AHI1: variants seen among roughly 807,000 people sequenced by gnomAD.
The protein encoded by AHI1 is Abelson helper integration site 1.
AHI1 carries 123 observed loss-of-function variants against 149.3 expected under a neutral mutation model. The ratio of observed to expected loss-of-function variants is 0.82; its 90% CI spans 0.71 to 0.96. The LOEUF (loss-of-function observed/expected upper bound fraction) is 0.96. Among genes scored for constraint, AHI1 ranks in the 40% least tolerant of loss-of-function variants. AHI1 has a pLI of 0.00. For synonymous variants in AHI1, 475 were observed against 459.8 expected (o/e 1.03, Z -0.42); for missense variants, 1,439 against 1,422.7 (o/e 1.01, Z -0.18).
In AHI1 at chr6:135,440,308, G is replaced by A. The variant is rs371151773; in HGVS notation, c.1913-1810C>T. ...CCTAAGGTGCATGTCAAAACAACCC[G>A]TGGCATCATTTAATATCACAGCTGC... is the stretch of plus-strand genomic sequence containing the variant. On this transcript the variant is annotated intron_variant, in intron 14 of 28. Transcript: ENST00000265602. 1.1e-3 allele frequency among the ~76,000 whole-genome samples: 163 copies of A among 152,174 alleles called. 2 individuals are homozygous for A. The highest frequency in any genetic ancestry group is 3.5e-3 in the African/African-American group (144 of 41,494).
intron 26 of AHI1, among the ~76,000 whole-genome samples, chr6:135,311,301 C>CAA (rs35950731): frequency 5.3e-4 from 42 of 79,826 alleles, no homozygotes; most frequent in East Asian, 1.4e-3. Context: ...GACCCCGCCT[C>CAA]AAAAAAAAAA....
chr6:135,415,263 G>A (rs955100423), intron 20 of AHI1, among the ~76,000 whole-genome samples: 9 of 151,956 alleles, frequency 5.9e-5, no homozygotes, highest in Middle Eastern at 3.4e-3. Flanking sequence ...GAATAGTGCC[G>A]CAATAAACAT....
In AHI1 at chr6:135,340,056, C is replaced by T. The variant is rs1203156720; in HGVS notation, c.3166-16732G>A. On this transcript the variant is annotated intron_variant, in intron 24 of 28. Coordinates refer to ENST00000265602, the MANE Select transcript of AHI1 (RefSeq NM_001134831.2). ...TCAACCAAGAGTTCAAACCATCCAG[C>T]AAAACACTCCTTTAAAAAAAGAAAA... is the stretch of plus-strand genomic sequence containing the variant. 2.0e-5 allele frequency among the ~76,000 whole-genome samples: 3 copies of T among 152,034 alleles called. No homozygotes were observed. In the South Asian group the frequency reaches 6.2e-4, roughly 32 times the overall value.
chr6:135,470,209 G>C (rs1411383110), intron 5 of AHI1, among the ~76,000 whole-genome samples: 1 of 152,088 alleles, frequency 6.6e-6, no homozygotes, highest in Non-Finnish European at 1.5e-5. Flanking sequence ...CAACAAACAT[G>C]ATAAAAAGGT....
chr6:135,422,036 C>CAAAAT (rs1403353747), intron 20 of AHI1, among the ~76,000 whole-genome samples: 1 of 152,048 alleles, frequency 6.6e-6, no homozygotes, highest in Non-Finnish European at 1.5e-5. Context: ...ACGTAGAAAA[C>CAAAAT]AAATGTATTT....
Position 135,290,432 on chromosome 6 carries a change from A to G in AHI1, c.3579T>C (p.Thr1193=), listed in dbSNP as rs115338154. The G allele has an allele frequency of 9.4e-4, 1,477 of 1,572,134 alleles. 17 individuals carry two copies. In the African/African-American group the frequency reaches 0.017, roughly 18 times the overall value. ...TTGGTTTTCCCCTTACCTCTATTAG[A>G]GTGACTTTTCTGCCTGCTTGCTTGT... ...RKNKQAGRKV[T]LIE The change falls in exon 28 of 29, where the codon ACT becomes ACC. Residue 1193 remains threonine (T), a synonymous_variant. Coordinates refer to ENST00000265602, the MANE Select transcript of AHI1 (RefSeq NM_001134831.2).
In AHI1 at chr6:135,312,544, C is replaced by G. The variant is rs923625794; in HGVS notation, c.3426+5975G>C. Among the ~76,000 whole-genome samples, 26 of 152,058 alleles carry G rather than the reference C, an allele frequency of 1.7e-4. 1 individual carries two copies. The highest frequency in any genetic ancestry group is 5.8e-4 in the African/African-American group (24 of 41,490). On this transcript the variant is annotated intron_variant, in intron 26 of 28. Transcript: ENST00000265602. Reference sequence around the variant, plus strand: ...AACAACAACAAAAAAAACCAACCAACCAACCAAGCAACCAAACAAAGAAAA... The same window carrying G: ...AACAACAACAAAAAAAACCAACCAAGCAACCAAGCAACCAAACAAAGAAAA...
At chr6:135,420,280 G>T (rs1782964437) in intron 20 of AHI1, among the ~76,000 whole-genome samples, 4 of 152,232 alleles carry the variant, frequency 2.6e-5, no homozygotes, top group African/African-American at 9.6e-5. Flanking sequence ...AAGGTACTTT[G>T]CCCAGCTTCA....
chr6:135,432,886 C>G, intron 16 of AHI1, 141 bp downstream of exon 16: 1 of 613,674 alleles, frequency 1.6e-6, no homozygotes, highest in Non-Finnish European at 2.8e-6. Context: ...AGTGTCATAT[C>G]TATCATATGA....
At chr6:135,398,080 T>C (rs1303271371) in intron 22 of AHI1, among the ~76,000 whole-genome samples, 1 of 90,646 alleles carries the variant, frequency 1.1e-5, no homozygotes, top group Non-Finnish European at 2.7e-5. Flanking sequence ...TTTTTTTTTT[T>C]GCAAATCATG....
chr6:135,416,590 T>C (rs868369943), intron 20 of AHI1, among the ~76,000 whole-genome samples: 13 of 151,976 alleles, frequency 8.6e-5, no homozygotes, highest in Admixed American at 3.9e-4. Context: ...CAATGGAAAA[T>C]TGCTCATATT....
Position 135,427,202 on chromosome 6 carries a change from T to C in AHI1, c.2729A>G (p.Asn910Ser), listed in dbSNP as rs757633154. Residue 910 changes from asparagine (N) to serine (S), a missense_variant, in exon 20 of 29, where the codon AAT (asparagine) becomes AGT (serine). Transcript: ENST00000265602. ...NMVAFCAFGQNEPILLYIYDF... is the reference protein window; with the variant it reads ...NMVAFCAFGQSEPILLYIYDF... ...GTAAATATACAGAAGAATTGGCTCA[T>C]TTTGCCCAAATGCACAGAATGCAAC... is the stretch of plus-strand genomic sequence containing the variant. The C allele has an allele frequency of 1.9e-6, 3 of 1,610,680 alleles. No individual in the cohort carries two copies. Among genetic ancestry groups the C allele is most frequent in the Non-Finnish European group, 2.5e-6 (3 of 1,177,768 alleles).
chr6:135,333,750 G>C (rs1395697297), intron 24 of AHI1, among the ~76,000 whole-genome samples: 1 of 152,164 alleles, frequency 6.6e-6, no homozygotes, highest in African/African-American at 2.4e-5. Context: ...TGAGTTTCCA[G>C]TCCTGTGTAG....
chr6:135,411,640 A>C, intron 20 of AHI1, 96 bp from the exon 21 acceptor site: 1 of 979,930 alleles, frequency 1.0e-6, no homozygotes, highest in Non-Finnish European at 1.4e-6. Flanking sequence ...GAAACTGCAT[A>C]ACACATCTTA....
rs926614259 is a variant in AHI1 at position 135,283,707 on chromosome 6, A to G, written c.*1938T>C. The G allele has an allele frequency of 1.3e-5, 2 of 152,210 alleles. No homozygotes were observed. Among genetic ancestry groups the G allele is most frequent in the Non-Finnish European group, 2.9e-5 (2 of 68,040 alleles). 9.4% of individuals were successfully genotyped at this position (152,210 alleles called of 1,614,324 possible). A position where few individuals can be genotyped will look rare whatever the true frequency, so the allele number is the denominator to read the frequency against. ...ATCTTTTATTAATCTATTCATGAAC[A>G]TAACCCTAGTCTTACTTTGTCAGCG... On this transcript the variant is annotated 3_prime_UTR_variant, in exon 29 of 29. Transcript: ENST00000265602.
At chr6:135,456,544 C>CAA (rs776119975) in intron 9 of AHI1, among the ~76,000 whole-genome samples, 110 of 84,832 alleles carry the variant, frequency 1.3e-3, no homozygotes, top group Middle Eastern at 7.9e-3. Context: ...GATATTGTCT[C>CAA]AAAAAAAAAA....
intron 28 of AHI1, among the ~76,000 whole-genome samples, chr6:135,286,837 T>G (rs999528926): frequency 6.6e-6 from 1 of 152,056 alleles, no homozygotes; most frequent in African/African-American, 2.4e-5. Flanking sequence ...AAGTTGAGTA[T>G]AAAAATGGTA....
intron 23 of AHI1, among the ~76,000 whole-genome samples, chr6:135,380,730 A>G (rs1776615963): frequency 1.2e-5 from 1 of 80,316 alleles, no homozygotes; most frequent in African/African-American, 7.9e-5. Flanking sequence ...TAAGTAAAAT[A>G]ACCCCCCCCC....
At chr6:135,395,830 AT>A (rs1208266970) in intron 22 of AHI1, among the ~76,000 whole-genome samples, 1 of 148,708 alleles carries the variant, frequency 6.7e-6, no homozygotes, top group Middle Eastern at 3.3e-3. Context: ...TGGCATATAA[AT>A]ATTACTATAT....
Sources: gnomAD v4.1 joint callset for allele counts (sites outside exome capture counted in the v4.1 genomes callset) on GRCh38, gnomAD v4.1.1 for gene constraint, MANE v1.5 for transcripts, NCBI Gene and HGNC (gene_info 2026-07-23, HGNC 2026-07-21) for gene names.